Variants in ZBTB8OS observed in about 807,000 individuals in gnomAD.
The protein encoded by ZBTB8OS is tRNA splicing ligase complex subunit 1.
ZBTB8OS carries 16 observed loss-of-function variants against 29.3 expected under a neutral mutation model. The observed-to-expected ratio is 0.55, with a 90% CI of 0.37 to 0.83. ZBTB8OS has a LOEUF of 0.83. Ranked by LOEUF, ZBTB8OS falls within the 40% of genes least tolerant of loss-of-function variation. The pLI, the probability that ZBTB8OS is intolerant of heterozygous loss-of-function variation, is 0.00. For missense variants in ZBTB8OS, 160 were observed against 196.9 expected (o/e 0.81, Z 1.12); for synonymous variants, 70 against 64.6 (o/e 1.08, Z -0.40).
intron 1 of ZBTB8OS, among the ~76,000 whole-genome samples, chr1:32,636,429 G>A (rs1339142754): frequency 6.6e-6 from 1 of 152,212 alleles, no homozygotes; most frequent in African/African-American, 2.4e-5. Context: ...AGTTGCTCAC[G>A]CCTGTAATCC....
chr1:32,629,810 T>A (rs1570519539), intron 5 of ZBTB8OS, among the ~76,000 whole-genome samples: 1 of 148,472 alleles, frequency 6.7e-6, no homozygotes. Flanking sequence ...TGGAGTGCAG[T>A]GGCACAATCT....
At chr1:32,630,191 C>T (rs748774568) in intron 5 of ZBTB8OS, among the ~76,000 whole-genome samples, 4 of 152,130 alleles carry the variant, frequency 2.6e-5, no homozygotes, top group Non-Finnish European at 5.9e-5. Flanking sequence ...AGAGACCAGC[C>T]TAGCAACATA....
At chr1:32,641,171 G>T (rs973565194) in intron 1 of ZBTB8OS, among the ~76,000 whole-genome samples, 1 of 150,768 alleles carries the variant, frequency 6.6e-6, no homozygotes, top group Non-Finnish European at 1.5e-5. Context: ...GCCAAATACT[G>T]AAGTCTGAAT....
At position 32,649,670 on chromosome 1, in the gene ZBTB8OS, T is replaced by TCACACAC. The variant is rs1557835448; in HGVS notation, c.97+762_97+763insGTGTGTG. Among the ~76,000 whole-genome samples, 14 of 118,880 alleles carry TCACACAC rather than the reference T, an allele frequency of 1.2e-4. No homozygotes were observed. The South Asian group carries it at 2.8e-3, about 24-fold the overall frequency. The allele number at this position is 118,880 out of a possible 152,430, so 78.0% of individuals were successfully genotyped here. A position where few individuals can be genotyped will look rare whatever the true frequency, so the allele number is the denominator to read the frequency against. ...CACACACACACACACACACACACAT[T>TCACACAC]TTTTTTTTTTTTTGAGACAGAGTTT... On this transcript the variant is annotated intron_variant, in intron 1 of 6. Transcript: ENST00000468695.
In ZBTB8OS at chr1:32,633,958, T is replaced by C; in HGVS notation, c.237A>G (p.Glu79=). The C allele has an allele frequency of 6.3e-7, 1 of 1,577,870 alleles. No homozygotes were observed. Among genetic ancestry groups the C allele is most frequent in the Non-Finnish European group, 8.6e-7 (1 of 1,169,060 alleles). ...TVEPLQTVEV[E]TQGDDLQSLL... ...TGTGAATAAATCATTTACCTTGGGT[T>C]TCTACTTCTACTGTTTGGAGGGGCT... is the stretch of plus-strand genomic sequence containing the variant. The change falls in exon 3 of 7, where the codon GAA becomes GAG. Residue 79 remains glutamate (E), a synonymous_variant. Transcript: ENST00000468695.
intron 6 of ZBTB8OS, among the ~76,000 whole-genome samples, chr1:32,624,644 A>G (rs1644977294): frequency 6.6e-6 from 1 of 152,204 alleles, no homozygotes. Flanking sequence ...CTGTAATCTC[A>G]GCACTTTGGG....
chr1:32,623,594 C>T lies in ZBTB8OS; in HGVS notation c.418-1646G>A, dbSNP rs529761992. On this transcript the variant is annotated intron_variant, in intron 6 of 6. Coordinates refer to ENST00000468695, the MANE Select transcript of ZBTB8OS (RefSeq NM_178547.5). ...TCCCTGGCTCCCATCAGAAGGCCAA[C>T]TCCCATACGTGAGTACTTGATCCTA... Among the ~76,000 whole-genome samples, 10 of 152,282 alleles carry T rather than the reference C, an allele frequency of 6.6e-5. No homozygotes were observed. In the South Asian group the frequency reaches 1.9e-3, roughly 28 times the overall value.
intron 6 of ZBTB8OS, among the ~76,000 whole-genome samples, chr1:32,627,122 GATTTT>G (rs1645185163): frequency 6.6e-6 from 1 of 152,076 alleles, no homozygotes; most frequent in South Asian, 2.1e-4. Context: ...TGTTCCAATA[GATTTT>G]CCTACCATAG....
At chr1:32,622,165 C>CTAA (rs1260222352) in intron 6 of ZBTB8OS, among the ~76,000 whole-genome samples, 4 of 152,204 alleles carry the variant, frequency 2.6e-5, no homozygotes, top group Admixed American at 2.6e-4. Flanking sequence ...ACATGGAACT[C>CTAA]TAATCCTGGC....
chr1:32,644,279 G>A (rs891067171), intron 1 of ZBTB8OS, among the ~76,000 whole-genome samples: 1 of 152,112 alleles, frequency 6.6e-6, no homozygotes, highest in Non-Finnish European at 1.5e-5. Flanking sequence ...ATTCTTGGAT[G>A]TGCTAGGAGT....
In ZBTB8OS at chr1:32,634,092, C is replaced by T; in HGVS notation, c.123-20G>A. Reference sequence around the variant, plus strand: ...TGTAACCTAAAGAAGTATATTCATGCTCTGTGTAATACAATCCACTGCAAG... The same window carrying T: ...TGTAACCTAAAGAAGTATATTCATGTTCTGTGTAATACAATCCACTGCAAG... On this transcript the variant is annotated intron_variant, in intron 2 of 6. Coordinates refer to ENST00000468695, the MANE Select transcript of ZBTB8OS (RefSeq NM_178547.5). 8 of 1,526,312 alleles carry T rather than the reference C, an allele frequency of 5.2e-6. No individual in the cohort carries two copies. Among genetic ancestry groups the T allele is most frequent in the Non-Finnish European group, 8.7e-7 (1 of 1,145,270 alleles). 94.5% of individuals were successfully genotyped at this position (1,526,312 alleles called of 1,614,324 possible).
intron 1 of ZBTB8OS, among the ~76,000 whole-genome samples, chr1:32,642,014 T>A (rs942575598): frequency 1.3e-5 from 2 of 152,206 alleles, no homozygotes; most frequent in African/African-American, 4.8e-5. Context: ...GATTTTTTTT[T>A]ATCTTGCCCA....
intron 6 of ZBTB8OS, among the ~76,000 whole-genome samples, chr1:32,627,287 G>A (rs1165317948): frequency 6.6e-6 from 1 of 152,162 alleles, no homozygotes; most frequent in Non-Finnish European, 1.5e-5. Flanking sequence ...ACAATAATCT[G>A]AACAAACTTG....
At chr1:32,641,324 A>G (rs1422574672) in intron 1 of ZBTB8OS, among the ~76,000 whole-genome samples, 1 of 119,870 alleles carries the variant, frequency 8.3e-6, no homozygotes, top group African/African-American at 3.2e-5. Flanking sequence ...CCCAGGCTGG[A>G]GTGCAATGGC....
chr1:32,650,670 C>G, upstream of ZBTB8OS: 1 of 1,488,250 alleles, frequency 6.7e-7, no homozygotes, highest in Non-Finnish European at 9.1e-7. Context: ...TGTTGACCTA[C>G]TTTAGTCCCT....
At chr1:32,632,736 C>A (rs1028964439) in intron 4 of ZBTB8OS, among the ~76,000 whole-genome samples, 3 of 152,116 alleles carry the variant, frequency 2.0e-5, no homozygotes, top group Non-Finnish European at 4.4e-5. Context: ...AAAAGAATTT[C>A]TCTGCAAGAT....
In ZBTB8OS at chr1:32,621,715, T is replaced by C. The variant is rs1366120836; in HGVS notation, c.*147A>G. 5 of 647,630 alleles carry C rather than the reference T, an allele frequency of 7.7e-6. No individual in the cohort carries two copies. Among genetic ancestry groups the C allele is most frequent in the East Asian group, 5.8e-5 (2 of 34,344 alleles). 40.1% of individuals were successfully genotyped at this position (647,630 alleles called of 1,614,324 possible). ...AGGCTGTGCCCTGATTTTCCCTTTC[T>C]GAAAGTCACACTTTAACTAAAATAT... is the stretch of plus-strand genomic sequence containing the variant. On this transcript the variant is annotated 3_prime_UTR_variant, in exon 7 of 7. Transcript: ENST00000468695.
At chr1:32,635,931 A>G (rs1297190391) in intron 1 of ZBTB8OS, among the ~76,000 whole-genome samples, 2 of 152,170 alleles carry the variant, frequency 1.3e-5, no homozygotes, top group African/African-American at 4.8e-5. Context: ...AAGATTAGAA[A>G]TTAGAGTTTA....
At chr1:32,649,653 CACACACACACACACAT>C (rs1275281808) in intron 1 of ZBTB8OS, among the ~76,000 whole-genome samples, 1 of 139,470 alleles carries the variant, frequency 7.2e-6, no homozygotes, top group Non-Finnish European at 1.5e-5. Flanking sequence ...CACACACACA[CACACACACACACACAT>C]TTTTTTTTTT....
Sources: allele counts gnomAD v4.1 joint callset (sites outside exome capture counted in the v4.1 genomes callset), GRCh38; gene constraint gnomAD v4.1.1; transcripts MANE v1.5; gene names NCBI Gene and HGNC (gene_info 2026-07-23, HGNC 2026-07-21).